PEPD: variants seen among roughly 807,000 people sequenced by gnomAD.
The protein encoded by PEPD is peptidase D, also known as xaa-Pro dipeptidase.
A neutral mutation model predicts 60.7 loss-of-function variants in PEPD; 53 were observed. That is an observed-to-expected ratio of 0.87 (90% CI 0.70 to 1.10). The LOEUF is 1.10. Among genes scored for constraint, PEPD ranks in the 50% least tolerant of loss-of-function variants. The pLI is 0.00. For synonymous variants in PEPD, 267 were observed against 284.1 expected, an observed-to-expected ratio of 0.94 and a Z score of 0.60; for missense variants, 711 against 711.9, an observed-to-expected ratio of 1.00 and a Z score of 0.01.
At chr19:33,404,922 GCT>G (rs1968584955) in intron 11 of PEPD, among the ~76,000 whole-genome samples, 2 of 152,136 alleles carry the variant, frequency 1.3e-5, no homozygotes, top group Non-Finnish European at 2.9e-5. Context: ...TCTCCCTCCC[GCT>G]CCTCTGCGTC....
intron 3 of PEPD, among the ~76,000 whole-genome samples, chr19:33,501,640 G>T (rs952221216): frequency 2.6e-5 from 4 of 152,048 alleles, no homozygotes; most frequent in Non-Finnish European, 4.4e-5. Flanking sequence ...TGGTGCCACT[G>T]CACTCCAGCC....
intron 1 of PEPD, among the ~76,000 whole-genome samples, chr19:33,517,374 C>T (rs538423309): frequency 6.6e-6 from 1 of 151,872 alleles, no homozygotes; most frequent in South Asian, 2.1e-4. Context: ...ACCTGGCCAA[C>T]ATGGTGAGCC....
chr19:33,387,599 A>T (rs956636602), intron 14 of PEPD, 118 bp from the exon 15 acceptor site: 1 of 1,354,032 alleles, frequency 7.4e-7, no homozygotes, highest in Non-Finnish European at 1.0e-6. Context: ...ACTCCCTGGG[A>T]GACGGGTGGC....
At chr19:33,480,454 C>T (rs1361320636) in intron 6 of PEPD, among the ~76,000 whole-genome samples, 1 of 152,198 alleles carries the variant, frequency 6.6e-6, no homozygotes, top group East Asian at 1.9e-4. Context: ...CGTCAATAAT[C>T]TACTTTCGGT....
chr19:33,432,676 G>A (rs1261249665), intron 9 of PEPD, among the ~76,000 whole-genome samples: 1 of 152,262 alleles, frequency 6.6e-6, no homozygotes, highest in African/African-American at 2.4e-5. Context: ...CAGCAGGTAT[G>A]GGCAAATCAC....
At chr19:33,418,467 T>C (rs940920194) in intron 9 of PEPD, among the ~76,000 whole-genome samples, 1 of 152,206 alleles carries the variant, frequency 6.6e-6, no homozygotes, top group East Asian at 1.9e-4. Flanking sequence ...TAGCTCCTTT[T>C]GCATGGAACC....
At chr19:33,397,364 T>C (rs1386759274) in intron 12 of PEPD, among the ~76,000 whole-genome samples, 4 of 151,944 alleles carry the variant, frequency 2.6e-5, no homozygotes, top group Non-Finnish European at 4.4e-5. Flanking sequence ...GCAGTCTCGG[T>C]GGGGTGTTTG....
In PEPD at chr19:33,478,071, T is replaced by C; in HGVS notation, c.523A>G (p.Ile175Val). ...GISKFEVNNT[I>V]LHPEIVECRV... ...CACTCAACGATCTCTGGGTGAAGAA[T>C]GGTATTGTTGACTTCGAACCTGTAG... is the stretch of plus-strand genomic sequence containing the variant. Residue 175 changes from isoleucine (I) to valine (V), a missense_variant, in exon 7 of 15, where the codon ATT (isoleucine) becomes GTT (valine). By Grantham distance (29) the Ile-to-Val change is conservative. Coordinates refer to ENST00000244137, the MANE Select transcript of PEPD (RefSeq NM_000285.4). 6.2e-7 allele frequency: 1 copy of C among 1,611,312 alleles called. No homozygotes were observed. The highest frequency in any genetic ancestry group is 8.5e-7 in the Non-Finnish European group (1 of 1,178,216).
chr19:33,484,767 C>T (rs936336459), intron 6 of PEPD, among the ~76,000 whole-genome samples: 4 of 152,126 alleles, frequency 2.6e-5, no homozygotes, highest in Non-Finnish European at 5.9e-5. Context: ...GATAGACACA[C>T]ACACACACAC....
chr19:33,423,819 G>T (rs545598433), intron 9 of PEPD, among the ~76,000 whole-genome samples: 41 of 152,254 alleles, frequency 2.7e-4, no homozygotes, highest in Admixed American at 1.9e-3. Context: ...TTATTGGCTA[G>T]ATCTGTTACA....
chr19:33,406,275 C>A (rs1238546727), intron 11 of PEPD, among the ~76,000 whole-genome samples: 1 of 152,228 alleles, frequency 6.6e-6, no homozygotes, highest in Non-Finnish European at 1.5e-5. Flanking sequence ...GTCATGACAT[C>A]AGCTGAGGAG....
At chr19:33,437,098 G>C (rs367787468) in intron 9 of PEPD, among the ~76,000 whole-genome samples, 1 of 152,164 alleles carries the variant, frequency 6.6e-6, no homozygotes, top group African/African-American at 2.4e-5. Flanking sequence ...AAACAAGTGG[G>C]GGTCTCTGAG....
At chr19:33,506,240 GACAGC>G (rs1970805601) in intron 3 of PEPD, among the ~76,000 whole-genome samples, 1 of 74,144 alleles carries the variant, frequency 1.3e-5, no homozygotes. Flanking sequence ...CCACACACAA[GACAGC>G]ACACTCACAC....
chr19:33,390,132 A>G (rs1968179702), intron 13 of PEPD, among the ~76,000 whole-genome samples: 1 of 152,272 alleles, frequency 6.6e-6, no homozygotes, highest in Non-Finnish European at 1.5e-5. Context: ...CTTTTATAGG[A>G]AAAGCCATAT....
chr19:33,470,129 A>G (rs1232015563), intron 7 of PEPD, among the ~76,000 whole-genome samples: 2 of 151,138 alleles, frequency 1.3e-5, no homozygotes, highest in East Asian at 2.0e-4. Flanking sequence ...ATTCACGGCC[A>G]AGGGCTGCCA....
At chr19:33,404,079 C>A (rs1391380088) in intron 11 of PEPD, among the ~76,000 whole-genome samples, 1 of 152,196 alleles carries the variant, frequency 6.6e-6, no homozygotes, top group Admixed American at 6.5e-5. Context: ...AACTCGAAGC[C>A]CAGCAATGGG....
At chr19:33,404,712 G>C (rs1444788793) in intron 11 of PEPD, among the ~76,000 whole-genome samples, 1 of 152,148 alleles carries the variant, frequency 6.6e-6, no homozygotes, top group East Asian at 1.9e-4. Context: ...TTTCTGGAGG[G>C]GGAAGTATAC....
At chr19:33,462,027 G>C (rs551684615) in intron 9 of PEPD, among the ~76,000 whole-genome samples, 1 of 152,196 alleles carries the variant, frequency 6.6e-6, no homozygotes, top group African/African-American at 2.4e-5. Context: ...CAGCCACAGC[G>C]AACTGAAGCA....
chr19:33,445,433 G>A (rs932113238), intron 9 of PEPD, among the ~76,000 whole-genome samples: 11 of 152,210 alleles, frequency 7.2e-5, no homozygotes, highest in African/African-American at 2.7e-4. Context: ...GCTAAACTGA[G>A]GACATTAGGG....
Sources: allele counts gnomAD v4.1 joint callset (sites outside exome capture counted in the v4.1 genomes callset), GRCh38; gene constraint gnomAD v4.1.1; transcripts MANE v1.5; gene names NCBI Gene and HGNC (gene_info 2026-07-23, HGNC 2026-07-21).